MYO16: variants seen among roughly 807,000 people sequenced by gnomAD.
MYO16 encodes myosin XVI, also known as unconventional myosin-XVI.
In MYO16, 94 loss-of-function variants were observed where a neutral mutation model predicts 205.3. The observed-to-expected ratio is 0.46, with a 90% CI of 0.39 to 0.54. The LOEUF (loss-of-function observed/expected upper bound fraction) is 0.54, where lower values mean the gene tolerates loss of function less well. Among genes scored for constraint, MYO16 ranks in the 20% least tolerant of loss-of-function variants. The pLI is 0.00. For missense variants in MYO16, 2,315 were observed against 2,387.5 expected, an observed-to-expected ratio of 0.97 and a Z score of 0.63; for synonymous variants, 988 against 954.0, an observed-to-expected ratio of 1.04 and a Z score of -0.66.
At chr13:108,590,089 C>T in the MYO16 span, among the ~76,000 whole-genome samples, 1 of 151,996 alleles carries the variant, frequency 6.6e-6, no homozygotes, top group Admixed American at 6.6e-5. Context: ...TAATAATCAC[C>T]TCAATGAGAA....
intron 5 of MYO16, among the ~76,000 whole-genome samples, chr13:108,792,847 CT>C: frequency 6.6e-6 from 1 of 152,080 alleles, no homozygotes; most frequent in Admixed American, 6.6e-5. Context: ...TACTAGATTG[CT>C]TTTAGGAGCA....
At position 108,844,538 on chromosome 13, in the gene MYO16, A is replaced by G. The variant is rs190446130; in HGVS notation, c.1248+45A>G. On this transcript the variant is annotated intron_variant, in intron 10 of 34. Coordinates refer to ENST00000457511, the MANE Select transcript of MYO16 (RefSeq NM_001198950.3). Reference sequence around the variant, plus strand: ...GTGTCTACCAGTACTTTTTCATATCAAGTAATGTATTATAAAATCCAACAT... The same window carrying G: ...GTGTCTACCAGTACTTTTTCATATCGAGTAATGTATTATAAAATCCAACAT... 542 of 1,524,464 alleles carry G rather than the reference A, an allele frequency of 3.6e-4. 2 individuals carry two copies. Among genetic ancestry groups the G allele is most frequent in the Non-Finnish European group, 3.8e-4 (426 of 1,126,298 alleles). The allele number at this position is 1,524,464 out of a possible 1,614,324, so 94.4% of individuals were successfully genotyped here. A position where few individuals can be genotyped will look rare whatever the true frequency, so the allele number is the denominator to read the frequency against.
At chr13:108,887,595 A>G (rs1253789263) in intron 13 of MYO16, among the ~76,000 whole-genome samples, 1 of 152,200 alleles carries the variant, frequency 6.6e-6, no homozygotes, top group Non-Finnish European at 1.5e-5. Flanking sequence ...TTAATGAAGT[A>G]TGCCTGGGAT....
chr13:108,744,769 A>G (rs1226845248), intron 4 of MYO16, among the ~76,000 whole-genome samples: 1 of 152,236 alleles, frequency 6.6e-6, no homozygotes, highest in African/African-American at 2.4e-5. Context: ...ACGTTCATAT[A>G]TTTTGGCATG....
chr13:108,870,077 A>G (rs1291180169), intron 12 of MYO16, among the ~76,000 whole-genome samples: 1 of 151,872 alleles, frequency 6.6e-6, no homozygotes, highest in Non-Finnish European at 1.5e-5. Flanking sequence ...ACCAGTTATC[A>G]GATTAAGGAA....
At chr13:108,859,356 G>T (rs575343981) in intron 11 of MYO16, among the ~76,000 whole-genome samples, 1 of 152,294 alleles carries the variant, frequency 6.6e-6, no homozygotes, top group African/African-American at 2.4e-5. Flanking sequence ...AGAGAAAGAA[G>T]TTAATATTTA....
chr13:108,891,035 A>T (rs1880145958), intron 14 of MYO16, among the ~76,000 whole-genome samples: 1 of 152,204 alleles, frequency 6.6e-6, no homozygotes, highest in African/African-American at 2.4e-5. Flanking sequence ...TCCCAACAGC[A>T]TGGTAGGAGC....
At chr13:108,802,026 A>T (rs1566338427) in intron 6 of MYO16, among the ~76,000 whole-genome samples, 1 of 152,208 alleles carries the variant, frequency 6.6e-6, no homozygotes, top group Non-Finnish European at 1.5e-5. Flanking sequence ...CGATATATGT[A>T]TACACTGTGA....
At chr13:109,169,789 A>G (rs1177340394) in intron 33 of MYO16, among the ~76,000 whole-genome samples, 2 of 152,246 alleles carry the variant, frequency 1.3e-5, no homozygotes, top group African/African-American at 2.4e-5. Context: ...TAAGGATTAA[A>G]TAACTCCAAT....
At chr13:108,596,504 T>G (rs1398385841) in intron 1 of MYO16, among the ~76,000 whole-genome samples, 6 of 152,112 alleles carry the variant, frequency 3.9e-5, no homozygotes, top group Non-Finnish European at 8.8e-5. Flanking sequence ...ATTCTGAAAG[T>G]CTTCGTGAGT....
chr13:108,808,260 G>A (rs1409228909), intron 7 of MYO16, among the ~76,000 whole-genome samples: 1 of 151,078 alleles, frequency 6.6e-6, no homozygotes, highest in African/African-American at 2.4e-5. Context: ...ACCTTCCAGA[G>A]GCCCATAAGA....
At chr13:108,550,620 A>G in the MYO16 span, among the ~76,000 whole-genome samples, 924 of 152,372 alleles carry the variant, frequency 6.1e-3, 14 homozygotes, top group African/African-American at 0.021. Flanking sequence ...AGACTGATTT[A>G]AGTTATAATG....
chr13:108,636,611 C>T (rs927344043), intron 1 of MYO16, among the ~76,000 whole-genome samples: 4 of 152,084 alleles, frequency 2.6e-5, no homozygotes, highest in African/African-American at 7.2e-5. Context: ...ATCTCTTGAC[C>T]TCTTGATCTG....
chr13:108,600,184 G>A (rs78705184), intron 1 of MYO16, among the ~76,000 whole-genome samples: 2,082 of 152,264 alleles, frequency 0.014, 44 homozygotes, highest in African/African-American at 0.045. Flanking sequence ...GAGAGTGTAA[G>A]GGTAGGGGGA....
At chr13:108,839,989 A>G (rs1202118614) in intron 9 of MYO16, among the ~76,000 whole-genome samples, 1 of 152,172 alleles carries the variant, frequency 6.6e-6, no homozygotes, top group Non-Finnish European at 1.5e-5. Context: ...TAATCTCTTT[A>G]TGTGCATTAT....
intron 7 of MYO16, among the ~76,000 whole-genome samples, chr13:108,815,613 T>C (rs1253523949): frequency 6.6e-6 from 1 of 152,224 alleles, no homozygotes. Flanking sequence ...GTCAGCCCAG[T>C]GATACCTGTG....
At chr13:108,973,430 C>T (rs568452550) in intron 20 of MYO16, among the ~76,000 whole-genome samples, 37 of 152,250 alleles carry the variant, frequency 2.4e-4, no homozygotes, top group African/African-American at 7.9e-4. Context: ...CTGAAATCAT[C>T]AGCAGGATAA....
the MYO16 span, among the ~76,000 whole-genome samples, chr13:108,544,982 C>T: frequency 1.4e-5 from 2 of 146,694 alleles, no homozygotes; most frequent in Non-Finnish European, 3.0e-5. Context: ...ATAAGTACCA[C>T]ATTTTCTTTT....
intron 4 of MYO16, among the ~76,000 whole-genome samples, chr13:108,767,095 G>A (rs1215485976): frequency 1.3e-5 from 2 of 149,762 alleles, no homozygotes; most frequent in African/African-American, 5.0e-5. Context: ...TTGTTTGTTT[G>A]TTTGTTTTGT....
Sources: allele counts gnomAD v4.1 joint callset (sites outside exome capture counted in the v4.1 genomes callset), GRCh38; gene constraint gnomAD v4.1.1; transcripts MANE v1.5; gene names NCBI Gene and HGNC (gene_info 2026-07-23, HGNC 2026-07-21).